NFATC1: variants seen among roughly 807,000 people sequenced by gnomAD.
The protein encoded by NFATC1 is nuclear factor of activated T cells 1.
Under a neutral mutation model 76.0 loss-of-function variants are expected in NFATC1, and 22 were observed. That is an observed-to-expected ratio of 0.29 (90% confidence interval 0.21 to 0.41). NFATC1 has a LOEUF of 0.41. Ranked by LOEUF, NFATC1 falls within the 10% of genes least tolerant of loss-of-function variation. The pLI, the probability that NFATC1 is intolerant of heterozygous loss-of-function variation, is 1.00. For missense variants in NFATC1, 1,357 were observed against 1,337.7 expected (o/e 1.01, Z -0.23); for synonymous variants, 704 against 613.1 (o/e 1.15, Z -2.19).
At chr18:79,400,769 C>CT (rs1401396239) in intron 1 of NFATC1, among the ~76,000 whole-genome samples, 1 of 124,864 alleles carries the variant, frequency 8.0e-6, no homozygotes, top group African/African-American at 2.7e-5. Context: ...GGAGAAGCCC[C>CT]AGCTCCCCCA....
chr18:79,398,545 G>T (rs538524130), intron 1 of NFATC1, among the ~76,000 whole-genome samples: 3 of 152,198 alleles, frequency 2.0e-5, no homozygotes, highest in Non-Finnish European at 4.4e-5. Flanking sequence ...GCGGGGGAAG[G>T]GGGGGCTCCT....
At chr18:79,444,992 C>T (rs911029688) in intron 3 of NFATC1, among the ~76,000 whole-genome samples, 18 of 152,358 alleles carry the variant, frequency 1.2e-4, no homozygotes, top group African/African-American at 4.1e-4. Context: ...TGTCCCACTT[C>T]GGGCAGGTGA....
chr18:79,407,076 AG>A (rs1489848527), intron 1 of NFATC1, among the ~76,000 whole-genome samples: 1 of 152,200 alleles, frequency 6.6e-6, no homozygotes, highest in Non-Finnish European at 1.5e-5. Flanking sequence ...TGCCTGGCCC[AG>A]AGCCCCCCAG....
intron 1 of NFATC1, chr18:79,400,256 GGGGGGCGGGGGCGGGGC>G (rs2085145704): frequency 9.2e-6 from 11 of 1,195,696 alleles, no homozygotes; most frequent in South Asian, 3.5e-5. Flanking sequence ...GAAACGCCCC[GGGGGGCGGGGGCGGGGC>G]GGGGACGGGG....
chr18:79,430,050 T>TGGCTAGGGTGTGCTCTG (rs1325143929), intron 2 of NFATC1, among the ~76,000 whole-genome samples: 2 of 152,222 alleles, frequency 1.3e-5, no homozygotes, highest in Non-Finnish European at 2.9e-5. Flanking sequence ...CCACGCCACG[T>TGGCTAGGGTGTGCTCTG]GGCTAGGGTG....
intron 2 of NFATC1, among the ~76,000 whole-genome samples, chr18:79,423,467 G>C (rs1452936560): frequency 6.6e-6 from 1 of 152,240 alleles, no homozygotes; most frequent in Non-Finnish European, 1.5e-5. Context: ...CACTTGCCCA[G>C]CCTTGGGGAG....
chr18:79,520,719 G>C (rs1247645565), intron 9 of NFATC1, among the ~76,000 whole-genome samples: 2 of 71,078 alleles, frequency 2.8e-5, no homozygotes, highest in African/African-American at 5.8e-5. Flanking sequence ...GTGTGTGGGG[G>C]GGGGGCATCC....
rs139150912 is a variant in NFATC1 at position 79,448,855 on chromosome 18, G to A, written c.1460G>A (p.Arg487His). ...GGGACGGCGGACGACCGCCTGCTGC[G>A]CCCGCACGCCTTCTACCAGGTGCAC... ...FIGTADDRLL[R>H]PHAFYQVHRI... The change falls in exon 4 of 10, where the codon CGC becomes CAC. Residue 487 changes from arginine (R) to histidine (H), a missense_variant. This residue lies in a region of NFATC1 where 242 missense variants were observed against 329.2 expected (regional missense o/e 0.74). Coordinates refer to ENST00000427363, the MANE Select transcript of NFATC1 (RefSeq NM_001278669.2). 8 of 1,613,670 alleles carry A rather than the reference G, an allele frequency of 5.0e-6. No individual in the cohort carries two copies. The highest frequency in any genetic ancestry group is 3.3e-5 in the Admixed American group (2 of 60,012).
intron 6 of NFATC1, among the ~76,000 whole-genome samples, chr18:79,455,786 G>GCCCCATCCCACGGCCA (rs1269448239): frequency 3.5e-5 from 1 of 28,294 alleles, no homozygotes; most frequent in Non-Finnish European, 8.5e-5. Context: ...TCCCACGGCC[G>GCCCCATCCCACGGCCA]CCCCATCCCA....
chr18:79,489,719 C>T (rs114531951), intron 9 of NFATC1, among the ~76,000 whole-genome samples: 122 of 152,308 alleles, frequency 8.0e-4, no homozygotes, highest in African/African-American at 2.7e-3. Context: ...ACAGTCATCT[C>T]GTCCACGTAC....
chr18:79,451,980 G>A (rs1216505031), intron 6 of NFATC1, 164 bp downstream of exon 6: 19 of 777,838 alleles, frequency 2.4e-5, no homozygotes, highest in Non-Finnish European at 3.5e-5. Flanking sequence ...GCATCCGGCT[G>A]TGGGTTTTTG....
At chr18:79,475,410 G>A (rs542266368) in intron 8 of NFATC1, among the ~76,000 whole-genome samples, 29 of 148,598 alleles carry the variant, frequency 2.0e-4, no homozygotes, top group Admixed American at 1.1e-3. Context: ...CACGCTCACC[G>A]TCGACGTTGT....
intron 1 of NFATC1, among the ~76,000 whole-genome samples, chr18:79,398,002 C>T (rs540554864): frequency 3.3e-4 from 51 of 152,302 alleles, no homozygotes; most frequent in Non-Finnish European, 5.7e-4. Context: ...CATGGGGACA[C>T]GCGTGGTTTC....
In NFATC1 at chr18:79,486,738, G is replaced by T. The variant is rs759763334; in HGVS notation, c.2583G>T (p.Leu861=). 120 of 1,599,888 alleles carry T rather than the reference G, an allele frequency of 7.5e-5. 1 individual carries two copies. The East Asian group carries it at 2.6e-3, about 35-fold the overall frequency. ...LPPATQEPTC[L]QPCSPACPPA... is the part of the protein sequence containing the mutation. The stretch of plus-strand genomic sequence containing the variant: ...CTGCCACCCAAGAGCCGACCTGCCT[G>T]CAGCCCTGCAGCCCAGCGTGCCCGC... The change falls in exon 9 of 10, where the codon CTG becomes CTT. Residue 861 remains leucine, a synonymous_variant. Transcript: ENST00000427363.
chr18:79,469,742 T>C, intron 8 of NFATC1: 1 of 985,694 alleles, frequency 1.0e-6, no homozygotes, highest in South Asian at 4.7e-5. Flanking sequence ...GCCTCCGTCG[T>C]CTCTTCTCTC....
intron 1 of NFATC1, among the ~76,000 whole-genome samples, chr18:79,407,297 G>A (rs1050028869): frequency 4.6e-5 from 7 of 152,222 alleles, no homozygotes; most frequent in East Asian, 1.9e-4. Flanking sequence ...CCCAGAGCTG[G>A]CGTCTTGCAG....
At chr18:79,400,256 G>A (rs1207267286) in intron 1 of NFATC1, 2 of 1,195,698 alleles carry the variant, frequency 1.7e-6, no homozygotes. Flanking sequence ...GAAACGCCCC[G>A]GGGGGCGGGG....
chr18:79,425,269 C>T (rs192708110), intron 2 of NFATC1, among the ~76,000 whole-genome samples: 1,244 of 96,044 alleles, frequency 0.013, 144 homozygotes, highest in Non-Finnish European at 0.02. Flanking sequence ...CTGTCTCTGT[C>T]TCTCTCTCTG....
At chr18:79,461,684 C>G (rs2088106367) in intron 7 of NFATC1, among the ~76,000 whole-genome samples, 3 of 152,170 alleles carry the variant, frequency 2.0e-5, no homozygotes, top group Admixed American at 2.0e-4. Flanking sequence ...TCGTCTCACA[C>G]GGACCCTCCC....
Sources: allele counts gnomAD v4.1 joint callset (sites outside exome capture counted in the v4.1 genomes callset), GRCh38; gene constraint gnomAD v4.1.1; regional missense constraint gnomAD v4.1.1; transcripts MANE v1.5; gene names NCBI Gene and HGNC (gene_info 2026-07-23, HGNC 2026-07-21).